Variants in NALF1 observed in about 807,000 individuals in gnomAD.
The protein encoded by NALF1 is family with sequence similarity 155 member A.
A neutral mutation model predicts 48.4 loss-of-function variants in NALF1; 3 were observed. The observed-to-expected ratio is 0.06, with a 90% CI of 0.03 to 0.16. The LOEUF is 0.16. NALF1 is among the 10% of genes least tolerant of loss of function. The pLI is 1.00. For synonymous variants in NALF1, 262 were observed against 245.7 expected, an observed-to-expected ratio of 1.07 and a Z score of -0.62; for missense variants, 526 against 571.5, an observed-to-expected ratio of 0.92 and a Z score of 0.81.
At chr13:107,173,674 A>G (rs1344010401) in intron 2 of NALF1, among the ~76,000 whole-genome samples, 1 of 152,078 alleles carries the variant, frequency 6.6e-6, no homozygotes, top group East Asian at 1.9e-4. Flanking sequence ...TCTCCTTTTG[A>G]GGGTTTACAA....
chr13:107,439,134 A>T (rs942683585), intron 1 of NALF1, among the ~76,000 whole-genome samples: 2 of 152,114 alleles, frequency 1.3e-5, no homozygotes, highest in Non-Finnish European at 2.9e-5. Context: ...CCACAGTTCT[A>T]GGGTAATTGG....
chr13:107,345,672 A>T (rs1451027709), intron 1 of NALF1, among the ~76,000 whole-genome samples: 1 of 152,202 alleles, frequency 6.6e-6, no homozygotes, highest in Non-Finnish European at 1.5e-5. Flanking sequence ...AATACCTGAA[A>T]CTATAAAACT....
At chr13:107,861,230 A>G (rs1223063197) in intron 1 of NALF1, among the ~76,000 whole-genome samples, 6 of 152,216 alleles carry the variant, frequency 3.9e-5, no homozygotes, top group Admixed American at 3.9e-4. Flanking sequence ...AAATAAAAAT[A>G]CATATAACTA....
chr13:107,209,052 T>C (rs748017371), intron 2 of NALF1, among the ~76,000 whole-genome samples: 3 of 152,232 alleles, frequency 2.0e-5, no homozygotes, highest in African/African-American at 4.8e-5. Context: ...TCTGTAATCC[T>C]TGCAGCATAT....
intron 1 of NALF1, among the ~76,000 whole-genome samples, chr13:107,223,273 TACAC>T (rs149280854): frequency 1.3e-5 from 2 of 152,206 alleles, no homozygotes; most frequent in Non-Finnish European, 2.9e-5. Context: ...TATGTATACA[TACAC>T]ACACATATAT....
intron 1 of NALF1, among the ~76,000 whole-genome samples, chr13:107,251,091 A>T (rs1377946810): frequency 6.6e-6 from 1 of 152,230 alleles, no homozygotes; most frequent in Admixed American, 6.5e-5. Context: ...ATACCTGCAT[A>T]TGTTAATATT....
intron 2 of NALF1, among the ~76,000 whole-genome samples, chr13:107,205,887 A>G (rs1357882683): frequency 6.6e-6 from 1 of 151,902 alleles, no homozygotes; most frequent in Non-Finnish European, 1.5e-5. Flanking sequence ...GTAAGCAATC[A>G]AGGATTTCTC....
chr13:107,523,468 C>T (rs1876318581), intron 1 of NALF1, among the ~76,000 whole-genome samples: 2 of 151,518 alleles, frequency 1.3e-5, no homozygotes, highest in South Asian at 4.2e-4. Context: ...GTGTGCTGCA[C>T]CCATTAACTC....
At chr13:107,527,774 C>T (rs182721748) in intron 1 of NALF1, among the ~76,000 whole-genome samples, 19 of 152,220 alleles carry the variant, frequency 1.2e-4, no homozygotes, top group Admixed American at 1.2e-3. Flanking sequence ...GTCTCATTCT[C>T]TCTTGTCTGC....
intron 1 of NALF1, among the ~76,000 whole-genome samples, chr13:107,611,213 T>C (rs1357035979): frequency 6.6e-6 from 1 of 152,216 alleles, no homozygotes; most frequent in Non-Finnish European, 1.5e-5. Flanking sequence ...AAAGGCGTTT[T>C]AGTCAGAGCT....
chr13:107,724,941 G>A (rs528334637), intron 1 of NALF1, among the ~76,000 whole-genome samples: 11 of 152,156 alleles, frequency 7.2e-5, no homozygotes, highest in South Asian at 2.1e-4. Flanking sequence ...ATAACTCAGA[G>A]GTTCGTTTCA....
At chr13:107,447,817 G>A (rs894581628) in intron 1 of NALF1, among the ~76,000 whole-genome samples, 4 of 152,046 alleles carry the variant, frequency 2.6e-5, no homozygotes, top group Admixed American at 6.6e-5. Flanking sequence ...AAGTAGCCAC[G>A]GAACCTGCAT....
At chr13:107,508,137 T>C (rs1214797837) in intron 1 of NALF1, among the ~76,000 whole-genome samples, 1 of 152,154 alleles carries the variant, frequency 6.6e-6, no homozygotes, top group Non-Finnish European at 1.5e-5. Context: ...TGTATTATTA[T>C]TGTTTTATGA....
chr13:107,842,624 C>T (rs1455014339), intron 1 of NALF1, among the ~76,000 whole-genome samples: 1 of 150,116 alleles, frequency 6.7e-6, no homozygotes, highest in Non-Finnish European at 1.5e-5. Context: ...CTTGGAGATT[C>T]AAAAGCACAT....
chr13:107,247,412 C>T (rs1208740191), intron 1 of NALF1, among the ~76,000 whole-genome samples: 5 of 152,142 alleles, frequency 3.3e-5, no homozygotes, highest in Non-Finnish European at 5.9e-5. Flanking sequence ...TGATACACCC[C>T]AAAGGGGTTT....
chr13:107,616,920 G>C (rs1879396041), intron 1 of NALF1, among the ~76,000 whole-genome samples: 1 of 151,944 alleles, frequency 6.6e-6, no homozygotes. Context: ...CGCTAGGTAA[G>C]GAAAAATAAA....
chr13:107,800,614 T>C (rs1241770657), intron 1 of NALF1, among the ~76,000 whole-genome samples: 1 of 147,044 alleles, frequency 6.8e-6, no homozygotes, highest in Non-Finnish European at 1.5e-5. Flanking sequence ...TAATATAATA[T>C]ATATATTATA....
intron 1 of NALF1, among the ~76,000 whole-genome samples, chr13:107,262,858 G>A (rs1880961094): frequency 6.6e-6 from 1 of 151,482 alleles, no homozygotes; most frequent in African/African-American, 2.4e-5. Flanking sequence ...GGAAATCAAG[G>A]TGAAAAGTCA....
intron 1 of NALF1, among the ~76,000 whole-genome samples, chr13:107,276,586 A>G (rs1187338813): frequency 6.6e-6 from 1 of 152,226 alleles, no homozygotes; most frequent in Non-Finnish European, 1.5e-5. Context: ...ATGTAGGCTG[A>G]GTTCAAAAGA....
Sources: allele counts gnomAD v4.1 joint callset (sites outside exome capture counted in the v4.1 genomes callset), GRCh38; gene constraint gnomAD v4.1.1; transcripts MANE v1.5; gene names NCBI Gene and HGNC (gene_info 2026-07-23, HGNC 2026-07-21).